Variants in SORCS1 observed in about 807,000 individuals in gnomAD.
The protein encoded by SORCS1 is sortilin related VPS10 domain containing receptor 1.
Under a neutral mutation model 146.1 loss-of-function variants are expected in SORCS1, and 60 were observed. The ratio of observed to expected loss-of-function variants is 0.41; its 90% CI spans 0.33 to 0.51. The LOEUF is 0.51. SORCS1 is among the 20% of genes least tolerant of loss of function. SORCS1 has a pLI of 0.21. For missense variants in SORCS1, 1,352 were observed against 1,487.6 expected, an observed-to-expected ratio of 0.91 and a Z score of 1.50; for synonymous variants, 637 against 584.0, an observed-to-expected ratio of 1.09 and a Z score of -1.31.
intron 1 of SORCS1, among the ~76,000 whole-genome samples, chr10:107,014,442 T>G (rs1022456251): frequency 4.6e-5 from 7 of 152,142 alleles, no homozygotes; most frequent in African/African-American, 9.7e-5. Context: ...TTAAAATGTT[T>G]CAAGGTGTCA....
At chr10:106,583,722 C>T (rs973057760) in intron 24 of SORCS1, among the ~76,000 whole-genome samples, 3 of 151,796 alleles carry the variant, frequency 2.0e-5, no homozygotes, top group African/African-American at 7.3e-5. Flanking sequence ...GTTGGCCAGG[C>T]TGGTCTCGAA....
At chr10:107,057,234 T>C (rs1012212392) in intron 1 of SORCS1, among the ~76,000 whole-genome samples, 1 of 152,100 alleles carries the variant, frequency 6.6e-6, no homozygotes, top group African/African-American at 2.4e-5. Context: ...AAAAAAATTA[T>C]TCATAAAATG....
At position 106,709,134 on chromosome 10, in the gene SORCS1, C is replaced by T. The variant is rs941136521; in HGVS notation, c.1143+89G>A. 14 of 952,740 alleles carry T rather than the reference C, an allele frequency of 1.5e-5. No homozygotes were observed. The African/African-American group carries it at 2.1e-4, about 15-fold the overall frequency. 59.0% of individuals were successfully genotyped at this position (952,740 alleles called of 1,614,324 possible). On this transcript the variant is annotated intron_variant, in intron 7 of 25. Coordinates refer to ENST00000263054, the MANE Select transcript of SORCS1 (RefSeq NM_052918.5). The stretch of plus-strand genomic sequence containing the variant: ...CCTCCCTCCCATCCTCTCTTTTTGA[C>T]TCTTAATGGAGTGTAAAGCAGGCAA...
At chr10:106,761,361 A>C (rs111585712) in intron 5 of SORCS1, among the ~76,000 whole-genome samples, 8 of 152,342 alleles carry the variant, frequency 5.3e-5, no homozygotes, top group African/African-American at 1.7e-4. Flanking sequence ...ACTAACCTCC[A>C]TAATCCATTT....
intron 2 of SORCS1, among the ~76,000 whole-genome samples, chr10:106,920,613 C>A (rs1589707347): frequency 6.6e-6 from 1 of 152,136 alleles, no homozygotes; most frequent in Admixed American, 6.5e-5. Flanking sequence ...CTTTAATGAG[C>A]CTAATGGAGT....
At chr10:106,693,909 G>C (rs1853492614) in intron 9 of SORCS1, among the ~76,000 whole-genome samples, 1 of 152,150 alleles carries the variant, frequency 6.6e-6, no homozygotes, top group Admixed American at 6.5e-5. Context: ...TGCCTTTAAT[G>C]CTGACTAAAA....
chr10:106,699,309 T>C lies in SORCS1; in HGVS notation c.1318A>G (p.Ile440Val). Reference protein sequence around the residue: ...WNQNDTYNLYISDTRGVYFTL... With the variant: ...WNQNDTYNLYVSDTRGVYFTL... ...AAGTAGACACCACGTGTGTCTGAGA[T>C]GTAGAGGTTGTACGTGTCATTCTGG... The change falls in exon 9 of 26, where the codon ATC becomes GTC. Residue 440 changes from isoleucine (I) to valine (V), a missense_variant. Physicochemically the swap from Ile to Val is conservative, Grantham distance 29. Around this residue, in one of 3 missense-constraint regions of SORCS1, gnomAD observed 648 missense variants for 793.8 expected, o/e 0.82. Coordinates refer to ENST00000263054, the MANE Select transcript of SORCS1 (RefSeq NM_052918.5). 6.2e-7 allele frequency: 1 copy of C among 1,613,982 alleles called. No homozygotes were observed. The highest frequency in any genetic ancestry group is 1.1e-5 in the South Asian group (1 of 91,050).
intron 21 of SORCS1, among the ~76,000 whole-genome samples, chr10:106,617,650 T>C (rs573305769): frequency 2.6e-5 from 4 of 152,354 alleles, no homozygotes; most frequent in African/African-American, 9.6e-5. Context: ...TATGGCTATG[T>C]ACGACATCTA....
intron 2 of SORCS1, among the ~76,000 whole-genome samples, chr10:106,910,320 A>G (rs1353019428): frequency 1.8e-5 from 2 of 111,800 alleles, no homozygotes. Context: ...TGTGTGAGAC[A>G]GTATATATAT....
chr10:106,684,171 C>T (rs1362922349), intron 10 of SORCS1, among the ~76,000 whole-genome samples: 1 of 152,078 alleles, frequency 6.6e-6, no homozygotes, highest in Non-Finnish European at 1.5e-5. Context: ...AACCCTGTCT[C>T]TACTAAAAAT....
chr10:106,704,587 G>A (rs945989985), intron 8 of SORCS1, among the ~76,000 whole-genome samples: 8 of 152,212 alleles, frequency 5.3e-5, no homozygotes, highest in African/African-American at 1.9e-4. Flanking sequence ...CTACTCGGGA[G>A]GCTGAGGCAG....
At position 106,692,358 on chromosome 10, in the gene SORCS1, C is replaced by T. The variant is rs1249209889; in HGVS notation, c.1414-4020G>A. Among the ~76,000 whole-genome samples, 8 of 152,260 alleles carry T rather than the reference C, an allele frequency of 5.3e-5. No homozygotes were observed. In the East Asian group the frequency reaches 5.8e-4, roughly 11 times the overall value. ...CTGGGATTCCAGGTGTGAGCCACAG[C>T]GCCAGCCCCTGTTTTTTTTCCTACT... On this transcript the variant is annotated intron_variant, in intron 9 of 25. Coordinates refer to ENST00000263054, the MANE Select transcript of SORCS1 (RefSeq NM_052918.5).
intron 23 of SORCS1, among the ~76,000 whole-genome samples, chr10:106,606,633 G>A (rs1846614010): frequency 6.6e-6 from 1 of 152,126 alleles, no homozygotes; most frequent in South Asian, 2.1e-4. Context: ...ATTCCACACT[G>A]TAAATAATTT....
chr10:106,607,575 A>C (rs1002461431), intron 22 of SORCS1, among the ~76,000 whole-genome samples: 1 of 152,200 alleles, frequency 6.6e-6, no homozygotes, highest in Non-Finnish European at 1.5e-5. Flanking sequence ...CTTTAAATAG[A>C]AGACAGGACA....
In SORCS1 at chr10:106,924,988, T is replaced by C. The variant is rs1342653236; in HGVS notation, c.626+31525A>G. Among the ~76,000 whole-genome samples the C allele has an allele frequency of 2.0e-5, 3 of 152,288 alleles. No homozygotes were observed. The East Asian group carries it at 5.8e-4, about 29-fold the overall frequency. On this transcript the variant is annotated intron_variant, in intron 2 of 25. Coordinates refer to ENST00000263054, the MANE Select transcript of SORCS1 (RefSeq NM_052918.5). ...GATATATTTACATTAAAGAAACACA[T>C]ACTTTCTAAACCATATTTACTTCAA...
chr10:106,914,940 G>GA (rs2138301195), intron 2 of SORCS1, among the ~76,000 whole-genome samples: 2 of 152,228 alleles, frequency 1.3e-5, no homozygotes, highest in Admixed American at 1.3e-4. Flanking sequence ...CAGTGGTGCT[G>GA]ACAGCTGGAT....
chr10:106,807,508 T>C (rs894177250), intron 3 of SORCS1, among the ~76,000 whole-genome samples: 1 of 152,226 alleles, frequency 6.6e-6, no homozygotes, highest in Non-Finnish European at 1.5e-5. Flanking sequence ...GTAATTTCTC[T>C]TGGTTGGTGA....
chr10:106,783,722 C>A (rs1296383630), intron 3 of SORCS1, among the ~76,000 whole-genome samples: 1 of 152,004 alleles, frequency 6.6e-6, no homozygotes, highest in African/African-American at 2.4e-5. Flanking sequence ...TGGTTCATAC[C>A]CCAGATTTTT....
intron 1 of SORCS1, among the ~76,000 whole-genome samples, chr10:107,141,585 T>A (rs1234001169): frequency 6.6e-6 from 1 of 152,220 alleles, no homozygotes; most frequent in Admixed American, 6.5e-5. Context: ...TTACTGTTCC[T>A]AGTCTGTGTG....
Sources: gnomAD v4.1 joint callset for allele counts (sites outside exome capture counted in the v4.1 genomes callset) on GRCh38, gnomAD v4.1.1 for gene constraint, gnomAD v4.1.1 regional missense constraint, MANE v1.5 for transcripts, NCBI Gene and HGNC (gene_info 2026-07-23, HGNC 2026-07-21) for gene names.